Variants in CCDC171 observed in about 807,000 individuals in gnomAD.
CCDC171 encodes the protein coiled-coil domain containing 171, also known as coiled-coil domain-containing protein 171.
In CCDC171, 177 loss-of-function variants were observed where a neutral mutation model predicts 168.2. The observed-to-expected ratio is 1.05, with a 90% confidence interval of 0.93 to 1.19. The LOEUF is 1.19. CCDC171 is among the 50% of genes most tolerant of loss of function. The pLI, the probability that CCDC171 is intolerant of heterozygous loss-of-function variation, is 0.00. For synonymous variants in CCDC171, 687 were observed against 540.8 expected, an observed-to-expected ratio of 1.27 and a Z score of -3.75; for missense variants, 1,991 against 1,539.0, an observed-to-expected ratio of 1.29 and a Z score of -4.91.
At chr9:15,916,399 A>T (rs1824517335) in intron 24 of CCDC171, among the ~76,000 whole-genome samples, 1 of 77,242 alleles carries the variant, frequency 1.3e-5, no homozygotes, top group Admixed American at 1.8e-4. Context: ...TATGTGTTTT[A>T]CACAATATAT....
chr9:16,099,239 ATTC>A, the CCDC171 span, among the ~76,000 whole-genome samples: 299 of 152,332 alleles, frequency 2.0e-3, no homozygotes, highest in African/African-American at 6.8e-3. Flanking sequence ...TAACATCAGA[ATTC>A]TTCTTAGGAG....
intron 1 of CCDC171, among the ~76,000 whole-genome samples, chr9:15,555,475 T>C (rs996182647): frequency 6.6e-6 from 1 of 151,958 alleles, no homozygotes; most frequent in Non-Finnish European, 1.5e-5. Flanking sequence ...AAAAATGATA[T>C]TTTTAAGAAA....
intron 21 of CCDC171, among the ~76,000 whole-genome samples, chr9:15,794,724 G>A (rs949069505): frequency 1.3e-5 from 2 of 152,136 alleles, no homozygotes; most frequent in Non-Finnish European, 2.9e-5. Flanking sequence ...GGTACACAAA[G>A]CCTAAAATAT....
At chr9:16,066,958 G>A in the CCDC171 span, among the ~76,000 whole-genome samples, 1 of 151,806 alleles carries the variant, frequency 6.6e-6, no homozygotes, top group African/African-American at 2.4e-5. Flanking sequence ...ATGATTTATA[G>A]TCCTTTGGGT....
At chr9:15,943,087 T>C (rs1827908908) in intron 25 of CCDC171, among the ~76,000 whole-genome samples, 1 of 151,960 alleles carries the variant, frequency 6.6e-6, no homozygotes, top group Admixed American at 6.6e-5. Context: ...GAAGATTTTG[T>C]GTTTCGTATC....
chr9:15,684,659 AC>A (rs1338177989), intron 10 of CCDC171, among the ~76,000 whole-genome samples: 1 of 152,204 alleles, frequency 6.6e-6, no homozygotes, highest in Non-Finnish European at 1.5e-5. Context: ...TATGAAACAA[AC>A]AAAAAAGAAT....
chr9:15,993,828 C>T (rs538177145), intron 3 of CCDC171, among the ~76,000 whole-genome samples: 32 of 152,240 alleles, frequency 2.1e-4, no homozygotes, highest in Admixed American at 3.9e-4. Context: ...AGCCAACAGA[C>T]GCATGAAAAA....
At chr9:15,820,508 C>T (rs2059726555) in intron 21 of CCDC171, among the ~76,000 whole-genome samples, 1 of 116,756 alleles carries the variant, frequency 8.6e-6, no homozygotes, top group East Asian at 2.1e-4. Flanking sequence ...AAGGGGATAT[C>T]ACCACCGATC....
chr9:15,675,663 T>C (rs1011922789), intron 9 of CCDC171, among the ~76,000 whole-genome samples: 1 of 152,214 alleles, frequency 6.6e-6, no homozygotes, highest in Non-Finnish European at 1.5e-5. Context: ...AAATTCTGGG[T>C]TGAAAATTCT....
chr9:15,881,722 T>C (rs1169474), intron 24 of CCDC171, among the ~76,000 whole-genome samples: 117,244 of 152,114 alleles, frequency 0.77, 46,131 homozygotes, highest in East Asian at 0.85. Context: ...GAACATGCAA[T>C]ATTTGTCTTT....
At chr9:15,588,434 A>T (rs2041737411) in intron 4 of CCDC171, 1 of 283,426 alleles carries the variant, frequency 3.5e-6, no homozygotes, top group African/African-American at 2.3e-5. Flanking sequence ...TTGTCTGCTA[A>T]ACCTGCTCCT....
chr9:15,567,149 G>A (rs1358980188), intron 2 of CCDC171, among the ~76,000 whole-genome samples: 1 of 151,414 alleles, frequency 6.6e-6, no homozygotes, highest in African/African-American at 2.4e-5. Context: ...AACCTCCCGA[G>A]TAGCTGGGAT....
intron 7 of CCDC171, among the ~76,000 whole-genome samples, chr9:15,626,783 T>A (rs1354034312): frequency 1.3e-5 from 2 of 152,174 alleles, no homozygotes; most frequent in Non-Finnish European, 2.9e-5. Flanking sequence ...CTCTTTTTTT[T>A]AGTTGTGTCT....
chr9:16,010,525 C>A (rs1418607355), intron 3 of CCDC171, among the ~76,000 whole-genome samples: 1 of 152,080 alleles, frequency 6.6e-6, no homozygotes, highest in Non-Finnish European at 1.5e-5. Flanking sequence ...TCTCGCTCCC[C>A]CTCAGTGCTT....
chr9:16,049,840 C>G (rs535693821), intron 1 of CCDC171, among the ~76,000 whole-genome samples: 1 of 152,226 alleles, frequency 6.6e-6, no homozygotes, highest in African/African-American at 2.4e-5. Flanking sequence ...AGAACCCTGA[C>G]TAATATAGAT....
Position 15,973,896 on chromosome 9 carries a change from G to C in CCDC171, c.*2060G>C, listed in dbSNP as rs1462240703. 6.6e-6 allele frequency: 1 copy of C among 152,044 alleles called. No individual in the cohort carries two copies. Among genetic ancestry groups the C allele is most frequent in the Non-Finnish European group, 1.5e-5 (1 of 68,008 alleles). The allele number at this position is 152,044 out of a possible 1,614,324, so 9.4% of individuals were successfully genotyped here. ...GTTTGTGTGTGTGTATGCTTGTGTT[G>C]AATCTGTTTTCAGATCCTACTGATT... On this transcript the variant is annotated 3_prime_UTR_variant, in exon 26 of 26. Transcript: ENST00000380701.
chr9:15,753,486 C>G (rs904118530), intron 18 of CCDC171, among the ~76,000 whole-genome samples: 4 of 152,102 alleles, frequency 2.6e-5, no homozygotes, highest in Admixed American at 2.6e-4. Flanking sequence ...GGTCAAATTA[C>G]AGAGGTTTTA....
At chr9:16,017,116 T>A (rs1833046012) in intron 3 of CCDC171, among the ~76,000 whole-genome samples, 1 of 152,192 alleles carries the variant, frequency 6.6e-6, no homozygotes, top group African/African-American at 2.4e-5. Context: ...TTATGTTCTT[T>A]TTTAAAGTTA....
At position 15,818,552 on chromosome 9, in the gene CCDC171, C is replaced by G. The variant is rs1056281846; in HGVS notation, c.3268-28150C>G. ...GCACGAGAACTACGTGATAAATGCA[C>G]AAGCCTCAGTAGCTGATTCGATCAA... On this transcript the variant is annotated intron_variant, in intron 21 of 25. Transcript: ENST00000380701. 1.7e-5 allele frequency among the ~76,000 whole-genome samples: 2 copies of G among 118,262 alleles called. 1 individual carries two copies. Among genetic ancestry groups the G allele is most frequent in the Non-Finnish European group, 3.8e-5 (2 of 52,582 alleles). The allele number at this position is 118,262 out of a possible 152,430, so 77.6% of individuals were successfully genotyped here.
Sources: allele counts gnomAD v4.1 joint callset (sites outside exome capture counted in the v4.1 genomes callset), GRCh38; gene constraint gnomAD v4.1.1; transcripts MANE v1.5; gene names NCBI Gene and HGNC (gene_info 2026-07-23, HGNC 2026-07-21).